The following PTGS1 variants were observed in gnomAD, a reference collection of about 807,000 sequenced individuals.
The protein encoded by PTGS1 is prostaglandin G/H synthase 1.
Under a neutral mutation model 63.0 loss-of-function variants are expected in PTGS1, and 40 were observed. That is an observed-to-expected ratio of 0.63 (90% CI 0.49 to 0.83). The LOEUF (loss-of-function observed/expected upper bound fraction) is 0.83. Among genes scored for constraint, PTGS1 ranks in the 40% least tolerant of loss-of-function variants. PTGS1 has a pLI of 0.00. For synonymous variants in PTGS1, 298 were observed against 301.9 expected (o/e 0.99, Z 0.13); for missense variants, 709 against 786.5 (o/e 0.90, Z 1.18).
chr9:122,386,568 A>G lies in PTGS1; in HGVS notation c.1132A>G (p.Met378Val), dbSNP rs200451116. ...VQFQYRNRIA[M>V]EFNHLYHWHP... ...GTTCCAATACCGCAACCGCATTGCC[A>G]TGGAGTTCAACCATCTCTACCACTG... Residue 378 changes from methionine to valine, a missense_variant, in exon 9 of 11, where the codon ATG becomes GTG. Met to Val is a conservative substitution (Grantham distance 21). Coordinates refer to ENST00000362012, the MANE Select transcript of PTGS1 (RefSeq NM_000962.4). The G allele has an allele frequency of 1.9e-6, 3 of 1,614,180 alleles. No individual in the cohort carries two copies.
chr9:122,380,476 AAT>A (rs1837443275), intron 5 of PTGS1, among the ~76,000 whole-genome samples: 2 of 142,614 alleles, frequency 1.4e-5, no homozygotes, highest in African/African-American at 5.4e-5. Flanking sequence ...AAAATAAATA[AAT>A]AAATAAATAA....
chr9:122,371,145 C>T, intron 1 of PTGS1, 41 bp from the exon 2 acceptor site: 4 of 1,607,558 alleles, frequency 2.5e-6, no homozygotes, highest in Non-Finnish European at 3.4e-6. Flanking sequence ...CTGGTGGAGC[C>T]TTGAATGCCA....
At chr9:122,373,761 C>T (rs1158653235) in intron 2 of PTGS1, among the ~76,000 whole-genome samples, 1 of 152,170 alleles carries the variant, frequency 6.6e-6, no homozygotes, top group Non-Finnish European at 1.5e-5. Context: ...CACCAGCAGG[C>T]TCTTCCAGCT....
At chr9:122,384,684 G>T (rs368660276) in intron 8 of PTGS1, among the ~76,000 whole-genome samples, 5 of 152,286 alleles carry the variant, frequency 3.3e-5, no homozygotes, top group African/African-American at 1.2e-4. Context: ...ACACTCAGCA[G>T]ATGGAGACTT....
At position 122,394,735 on chromosome 9, in the gene PTGS1, ACT is replaced by A. The variant is rs1466715231; in HGVS notation, c.*2194_*2195del. Reference sequence around the variant, plus strand: ...TGGCCCGTGGAGACTGAGATCACTGACTCTGACTCATCCCCACAGCTGGCTCT... The same window carrying A: ...TGGCCCGTGGAGACTGAGATCACTGACTGACTCATCCCCACAGCTGGCTCT... On this transcript the variant is annotated 3_prime_UTR_variant, in exon 11 of 11. Transcript: ENST00000362012. 6.6e-6 allele frequency: 1 copy of A among 150,948 alleles called. No individual in the cohort carries two copies. The highest frequency in any genetic ancestry group is 1.5e-5 in the Non-Finnish European group (1 of 67,782). The allele number at this position is 150,948 out of a possible 1,614,324, so 9.4% of individuals were successfully genotyped here.
chr9:122,375,360 G>A lies in PTGS1; in HGVS notation c.95-2539G>A, dbSNP rs1010980684. The A allele has an allele frequency of 5.3e-5, 52 of 985,544 alleles. No homozygotes were observed. The African/African-American group carries it at 8.9e-4, about 17-fold the overall frequency. 61.0% of individuals were successfully genotyped at this position (985,544 alleles called of 1,614,324 possible). A position where few individuals can be genotyped will look rare whatever the true frequency, so the allele number is the denominator to read the frequency against. ...TCTGCCTGCCGAGGCAGAGCTCTAGGGCCATGGCGGGAGGCCTTCCGGCTC... is the reference window on the plus strand; with the variant it reads ...TCTGCCTGCCGAGGCAGAGCTCTAGAGCCATGGCGGGAGGCCTTCCGGCTC... On this transcript the variant is annotated intron_variant, in intron 2 of 10. Transcript: ENST00000362012.
intron 2 of PTGS1, 135 bp downstream of exon 2, chr9:122,371,407 C>G (rs1476930185): frequency 9.8e-6 from 14 of 1,427,994 alleles, no homozygotes; most frequent in Middle Eastern, 2.5e-4. Flanking sequence ...GAGGCTGAGT[C>G]TTTTGGTGGG....
At chr9:122,377,753 G>A in intron 2 of PTGS1, 146 bp from the exon 3 acceptor site, 2 of 680,112 alleles carry the variant, frequency 2.9e-6, no homozygotes, top group Non-Finnish European at 2.5e-6. Context: ...CCCCTTGGGG[G>A]AACCCTGAAG....
intron 2 of PTGS1, chr9:122,371,481 A>G: frequency 7.9e-7 from 1 of 1,261,414 alleles, no homozygotes; most frequent in Non-Finnish European, 1.1e-6. Context: ...TAGTTCTTTC[A>G]GGGGAAACAG....
At chr9:122,381,223 T>C in intron 5 of PTGS1, 148 bp from the exon 6 acceptor site, 1 of 684,752 alleles carries the variant, frequency 1.5e-6, no homozygotes, top group Non-Finnish European at 2.4e-6. Flanking sequence ...TGGTAGAGAG[T>C]GGGTTACTTG....
At chr9:122,377,568 TTTC>T (rs988037673) in intron 2 of PTGS1, among the ~76,000 whole-genome samples, 49 of 150,488 alleles carry the variant, frequency 3.3e-4, no homozygotes, top group African/African-American at 1.2e-3. Context: ...TTATCAGCTC[TTTC>T]TTAACTTTCA....
intron 5 of PTGS1, among the ~76,000 whole-genome samples, 166 bp downstream of exon 5, chr9:122,379,084 G>A (rs1337903594): frequency 3.3e-5 from 5 of 152,226 alleles, no homozygotes; most frequent in African/African-American, 1.2e-4. Context: ...GGCAAGGGCA[G>A]CAGAGGGTCT....
Position 122,378,894 on chromosome 9 carries a change from T to G in PTGS1, c.472T>G (p.Cys158Gly). ...TRILPSVPKD[C>G]PTPMGTKGKK... The stretch of plus-strand genomic sequence containing the variant: ...TATTCTGCCCTCTGTGCCTAAAGAT[T>G]GCCCCACACCCATGGGAACCAAAGG... Residue 158 changes from cysteine to glycine, a missense_variant, in exon 5 of 11, where the codon TGC becomes GGC. Coordinates refer to ENST00000362012, the MANE Select transcript of PTGS1 (RefSeq NM_000962.4). 1 of 1,614,224 alleles carries G rather than the reference T, an allele frequency of 6.2e-7. No homozygotes were observed. Among genetic ancestry groups the G allele is most frequent in the Non-Finnish European group, 8.5e-7 (1 of 1,180,038 alleles).
chr9:122,383,530 C>G lies in PTGS1; in HGVS notation c.784C>G (p.Pro262Ala). Residue 262 changes from proline (P) to alanine (A), a missense_variant, in exon 8 of 11, where the codon CCG (proline) becomes GCG (alanine). Pro to Ala is a conservative substitution (Grantham distance 27, BLOSUM62 -1). Coordinates refer to ENST00000362012, the MANE Select transcript of PTGS1 (RefSeq NM_000962.4). ...ACAGGTGCTGGATGGAGAAATGTAC[C>G]CGCCCTCGGTAGAAGAGGCGCCTGT... ...KYQVLDGEMY[P>A]PSVEEAPVLM... The G allele has an allele frequency of 6.2e-7, 1 of 1,610,968 alleles. No homozygotes were observed. The highest frequency in any genetic ancestry group is 8.5e-7 in the Non-Finnish European group (1 of 1,177,468).
chr9:122,375,518 C>A, intron 2 of PTGS1: 1 of 980,180 alleles, frequency 1.0e-6, no homozygotes, highest in Non-Finnish European at 1.2e-6. Context: ...ATCTGGATCC[C>A]AGACCTGGTT....
At chr9:122,386,103 T>A (rs1181511359) in intron 8 of PTGS1, among the ~76,000 whole-genome samples, 2 of 149,086 alleles carry the variant, frequency 1.3e-5, no homozygotes, top group African/African-American at 5.0e-5. Context: ...AAGACCAGCC[T>A]GGATAACATA....
chr9:122,391,084 G>A (rs1474998875), intron 10 of PTGS1, among the ~76,000 whole-genome samples: 1 of 151,526 alleles, frequency 6.6e-6, no homozygotes, highest in African/African-American at 2.4e-5. Context: ...TGCTTTCTAA[G>A]TACCCACTTA....
Position 122,389,681 on chromosome 9 carries a change from G to A in PTGS1, c.1297-517G>A, listed in dbSNP as rs541539971. On this transcript the variant is annotated intron_variant, in intron 9 of 10. Coordinates refer to ENST00000362012, the MANE Select transcript of PTGS1 (RefSeq NM_000962.4). ...TTCAAAGATGAGGAAGCTGCCGGAT[G>A]TGGTGGTTCATGCCTGTAATCCCGG... 2.0e-5 allele frequency among the ~76,000 whole-genome samples: 3 copies of A among 152,238 alleles called. No homozygotes were observed. In the East Asian group the frequency reaches 5.8e-4, roughly 29 times the overall value.
Position 122,381,436 on chromosome 9 carries a change from C to T in PTGS1, c.562C>T (p.Pro188Ser), listed in dbSNP as rs1296358400. 1.2e-6 allele frequency: 2 copies of T among 1,614,210 alleles called. No individual in the cohort carries two copies. The highest frequency in any genetic ancestry group is 1.7e-6 in the Non-Finnish European group (2 of 1,180,032). ...RRFLLRRKFIPDPQGTNLMFA... is the reference protein window; with the variant it reads ...RRFLLRRKFISDPQGTNLMFA... ...CTTCCTGCTCAGGAGGAAGTTCATACCTGACCCCCAAGGCACCAACCTCAT... is the reference window on the plus strand; with the variant it reads ...CTTCCTGCTCAGGAGGAAGTTCATATCTGACCCCCAAGGCACCAACCTCAT... Residue 188 changes from proline to serine, a missense_variant, in exon 6 of 11, where the codon CCT becomes TCT. Physicochemically the swap from Pro to Ser is moderately conservative, Grantham distance 74. Transcript: ENST00000362012.
Sources: allele counts gnomAD v4.1 joint callset (sites outside exome capture counted in the v4.1 genomes callset), GRCh38; gene constraint gnomAD v4.1.1; transcripts MANE v1.5; gene names NCBI Gene and HGNC (gene_info 2026-07-23, HGNC 2026-07-21).